The following BRF1 variants were observed in gnomAD, a reference collection of about 807,000 sequenced individuals.
BRF1 encodes the protein BRF1 general transcription factor IIIB subunit.
BRF1 carries 59 observed loss-of-function variants against 81.7 expected under a neutral mutation model. The ratio of observed to expected loss-of-function variants is 0.72; its 90% CI spans 0.59 to 0.90. The LOEUF is 0.90. Ranked by LOEUF, BRF1 falls within the 40% of genes least tolerant of loss-of-function variation. The pLI is 0.00. For synonymous variants in BRF1, 491 were observed against 395.6 expected, an observed-to-expected ratio of 1.24 and a Z score of -2.86; for missense variants, 1,050 against 936.3, an observed-to-expected ratio of 1.12 and a Z score of -1.58.
rs587643693 is a variant in BRF1 at position 105,297,496 on chromosome 14, G to A, written c.184+2950C>T. On this transcript the variant is annotated intron_variant, in intron 1 of 17. Transcript: ENST00000547530. ...GAGGCAGCAGAATCACTTGAACTCG[G>A]GAGGCGGAGGGTGCAGTGAGCTCAG... Among the ~76,000 whole-genome samples the A allele has an allele frequency of 8.5e-5, 13 of 152,162 alleles. No homozygotes were observed. The East Asian group carries it at 2.3e-3, about 27-fold the overall frequency.
At chr14:105,222,787 C>G (rs1423249445) in intron 10 of BRF1, among the ~76,000 whole-genome samples, 2 of 152,188 alleles carry the variant, frequency 1.3e-5, no homozygotes, top group Admixed American at 6.5e-5. Context: ...CGCCACCACA[C>G]CCGGCTAATT....
Position 105,210,559 on chromosome 14 carries a change from C to T in BRF1, c.2026G>A (p.Gly676Ser), listed in dbSNP as rs776720599. The part of the protein sequence containing the change: ...DYGCDGDEDD[G>S]Y ...TGCCTGGAGGCCACACTTCAGTAGC[C>T]GTCGTCCTCATCGCCATCACAGCCA... is the stretch of plus-strand genomic sequence containing the variant. The change falls in exon 18 of 18, where the codon GGC becomes AGC. Residue 676 changes from glycine to serine, a missense_variant. Physicochemically the swap from Gly to Ser is moderately conservative, Grantham distance 56. Transcript: ENST00000547530. The surrounding 1 kb of genome is among the most constrained non-coding windows in gnomAD (Gnocchi z 4.7). The T allele has an allele frequency of 1.6e-5, 26 of 1,611,406 alleles. No homozygotes were observed. Among genetic ancestry groups the T allele is most frequent in the Admixed American group, 5.0e-5 (3 of 59,992 alleles).
At chr14:105,241,133 A>T (rs911630630) in intron 6 of BRF1, 132 bp downstream of exon 6, 8 of 1,428,058 alleles carry the variant, frequency 5.6e-6, no homozygotes, top group Non-Finnish European at 7.5e-6. Context: ...GGCCAGAGTC[A>T]GCCCCGGGAG....
intron 10 of BRF1, 118 bp from the exon 11 acceptor site, chr14:105,222,032 G>C: frequency 7.6e-7 from 1 of 1,317,614 alleles, no homozygotes; most frequent in Non-Finnish European, 1.0e-6. Flanking sequence ...AGTGCACGGT[G>C]CCTGGCGGTC....
chr14:105,211,236 G>C lies in BRF1; in HGVS notation c.1882C>G (p.Leu628Val), dbSNP rs751566984. 5.0e-6 allele frequency: 8 copies of C among 1,610,048 alleles called. No homozygotes were observed. The South Asian group carries it at 7.7e-5, about 15-fold the overall frequency. Residue 628 changes from leucine to valine, a missense_variant, in exon 17 of 18, where the codon CTG becomes GTG. By Grantham distance (32) the Leu-to-Val change is conservative (BLOSUM62 1). Transcript: ENST00000547530. ...TATGACACGGGCCCGCTCTCCACCAGCACCGCCTGGGGCCTGGCAGGCTCA... is the reference window on the plus strand; with the variant it reads ...TATGACACGGGCCCGCTCTCCACCACCACCGCCTGGGGCCTGGCAGGCTCA... ...GAEPARPQAV[L>V]VESGPVSYHA...
At chr14:105,228,997 C>G (rs946027626) in intron 6 of BRF1, 84 bp from the exon 7 acceptor site, 1 of 1,265,492 alleles carries the variant, frequency 7.9e-7, no homozygotes, top group Non-Finnish European at 1.1e-6. Context: ...CACTGCGGAT[C>G]CCGGTCACGG....
intron 5 of BRF1, 30 bp from the exon 6 acceptor site, chr14:105,241,444 C>A (rs587646034): frequency 6.2e-7 from 1 of 1,607,266 alleles, no homozygotes; most frequent in South Asian, 1.1e-5. Context: ...TCAGTGCCCA[C>A]CTCCATGTGC....
chr14:105,226,616 C>T lies in BRF1; in HGVS notation c.915+18G>A, dbSNP rs1426780486. 4 of 1,612,634 alleles carry T rather than the reference C, an allele frequency of 2.5e-6. No individual in the cohort carries two copies. The Admixed American group carries it at 5.0e-5, about 20-fold the overall frequency. On this transcript the variant is annotated intron_variant, in intron 8 of 17. Coordinates refer to ENST00000547530, the MANE Select transcript of BRF1 (RefSeq NM_001519.4). The stretch of plus-strand genomic sequence containing the variant: ...GGCTGGCAAGCCCAGCACAGACAGA[C>T]ACCAAAGCCGGCGCTACCTGCTTCA...
At chr14:105,278,435 C>CAAA (rs368178497) in intron 2 of BRF1, among the ~76,000 whole-genome samples, 2,016 of 108,452 alleles carry the variant, frequency 0.019, 45 homozygotes, top group African/African-American at 0.064. Flanking sequence ...ACCCTGTCTC[C>CAAA]AAAAAAAAAA....
At chr14:105,307,995 C>T (rs2058239157) in intron 1 of BRF1, among the ~76,000 whole-genome samples, 1 of 149,540 alleles carries the variant, frequency 6.7e-6, no homozygotes, top group African/African-American at 2.5e-5. Context: ...CCAGCCTGGG[C>T]AACAAAGTGA....
At chr14:105,215,311 TGTAGACATACA>T (rs977094081) in intron 15 of BRF1, among the ~76,000 whole-genome samples, 8 of 151,990 alleles carry the variant, frequency 5.3e-5, no homozygotes, top group African/African-American at 1.9e-4. Flanking sequence ...CACCACAATC[TGTAGACATACA>T]GGTACACATG....
chr14:105,247,438 T>C (rs1424890594), intron 5 of BRF1: 16 of 985,278 alleles, frequency 1.6e-5, no homozygotes, highest in East Asian at 1.1e-4. Context: ...TTCACGTCCT[T>C]TGCCCGTTTT....
chr14:105,281,942 A>G (rs2057122203), intron 2 of BRF1, among the ~76,000 whole-genome samples: 1 of 152,108 alleles, frequency 6.6e-6, no homozygotes, highest in Non-Finnish European at 1.5e-5. Context: ...GACCAAGAGA[A>G]CAGAAAAAGA....
At chr14:105,221,120 T>C (rs1243661360) in intron 11 of BRF1, among the ~76,000 whole-genome samples, 2 of 152,136 alleles carry the variant, frequency 1.3e-5, no homozygotes, top group African/African-American at 2.4e-5. Flanking sequence ...AGGTCTAGGC[T>C]CTCAGCCAGG....
At chr14:105,249,952 G>T in intron 5 of BRF1, 4 of 1,612,054 alleles carry the variant, frequency 2.5e-6, no homozygotes, top group Non-Finnish European at 3.4e-6. Flanking sequence ...CCAAAGAGGC[G>T]GTGGTCTTCG....
Position 105,228,830 on chromosome 14 carries a change from G to A in BRF1, c.778C>T (p.Leu260=). ...ISVVKVCEST[L]RKRLTEFEDT... Reference sequence around the variant, plus strand: ...ATGAGAGCCCCTCACCTCTTCCGCAGCGTGGACTCACACACTTTGACCACA... The same window carrying A: ...ATGAGAGCCCCTCACCTCTTCCGCAACGTGGACTCACACACTTTGACCACA... The change falls in exon 7 of 18, where the codon CTG becomes TTG. Residue 260 remains leucine (L), a synonymous_variant. Transcript: ENST00000547530. 2 of 1,613,920 alleles carry A rather than the reference G, an allele frequency of 1.2e-6. No individual in the cohort carries two copies. The highest frequency in any genetic ancestry group is 1.1e-5 in the South Asian group (1 of 91,092).
rs1274859911 is a variant in BRF1, at chr14:105,288,654, AAC to A, written c.185-2280_185-2279del. ...CTTTCTTTCTTTTTTTTTTTTTTGA[AAC>A]AGAGTTTCGCTCTGTCACCCAGGCT... On this transcript the variant is annotated intron_variant, in intron 1 of 17. Transcript: ENST00000547530. 6.9e-5 allele frequency among the ~76,000 whole-genome samples: 10 copies of A among 145,660 alleles called. No individual in the cohort carries two copies. The South Asian group carries it at 2.2e-3, about 32-fold the overall frequency.
At chr14:105,258,785 C>T (rs587625665) in intron 3 of BRF1, among the ~76,000 whole-genome samples, 15 of 151,176 alleles carry the variant, frequency 9.9e-5, no homozygotes, top group African/African-American at 3.4e-4. Flanking sequence ...GGCAACAGAG[C>T]GAGACTCAGT....
intron 1 of BRF1, among the ~76,000 whole-genome samples, chr14:105,296,486 C>T (rs895513096): frequency 6.6e-6 from 1 of 151,406 alleles, no homozygotes; most frequent in Non-Finnish European, 1.5e-5. Context: ...GGACTCCAGC[C>T]TGGGTGACAG....
Sources: allele counts gnomAD v4.1 joint callset (sites outside exome capture counted in the v4.1 genomes callset), GRCh38; gene constraint gnomAD v4.1.1; non-coding constraint Gnocchi (gnomAD v3.1); transcripts MANE v1.5; gene names NCBI Gene and HGNC (gene_info 2026-07-23, HGNC 2026-07-21).